The following ACTN4 variants were observed in gnomAD, a reference collection of about 807,000 sequenced individuals.
ACTN4 encodes the protein actinin alpha 4.
In ACTN4, 18 loss-of-function variants were observed where a neutral mutation model predicts 114.2. The ratio of observed to expected loss-of-function variants is 0.16; its 90% CI spans 0.11 to 0.23. The LOEUF is 0.23. Ranked by LOEUF, ACTN4 falls within the 10% of genes least tolerant of loss-of-function variation. The pLI is 1.00. For missense variants in ACTN4, 722 were observed against 1,262.9 expected (o/e 0.57, Z 6.49); for synonymous variants, 515 against 506.3 (o/e 1.02, Z -0.23).
At position 38,717,635 on chromosome 19, in the gene ACTN4, C is replaced by T. The variant is rs1408871332; in HGVS notation, c.1144-292C>T. 6.6e-6 allele frequency among the ~76,000 whole-genome samples: 1 copy of T among 152,220 alleles called. No homozygotes were observed. The highest frequency in any genetic ancestry group is 1.5e-5 in the Non-Finnish European group (1 of 68,040). ...GCATGACCGCCATGTGCTTGAGGCC[C>T]TTCATCAGCGGAGGGGCAGTGCGCC... On this transcript the variant is annotated intron_variant, in intron 10 of 20. Coordinates refer to ENST00000252699, the MANE Select transcript of ACTN4 (RefSeq NM_004924.6). The surrounding 1 kb of genome is among the most constrained non-coding windows in gnomAD (Gnocchi z 4.0).
chr19:38,720,061 G>A (rs1196334776), intron 11 of ACTN4, among the ~76,000 whole-genome samples: 1 of 152,234 alleles, frequency 6.6e-6, no homozygotes, highest in Non-Finnish European at 1.5e-5. Context: ...CAGAGCCTCT[G>A]TCCTCTCAAG....
intron 1 of ACTN4, among the ~76,000 whole-genome samples, chr19:38,693,133 G>A (rs1370525053): frequency 6.6e-6 from 1 of 152,186 alleles, no homozygotes; most frequent in Non-Finnish European, 1.5e-5. Context: ...GCATGAGGCA[G>A]CAAACGTTTT....
chr19:38,659,252 A>C (rs1383317306), intron 1 of ACTN4, among the ~76,000 whole-genome samples: 1 of 151,600 alleles, frequency 6.6e-6, no homozygotes, highest in Non-Finnish European at 1.5e-5. Context: ...GGAGAGACGG[A>C]GTTTCACCAT....
chr19:38,709,561 G>A (rs1968572411), intron 7 of ACTN4, 85 bp downstream of exon 7: 12 of 1,188,210 alleles, frequency 1.0e-5, no homozygotes, highest in Non-Finnish European at 1.4e-5. Flanking sequence ...GGGGCTGTGG[G>A]CACATCAGAG....
Position 38,729,086 on chromosome 19 carries a change from C to G in ACTN4, c.2509C>G (p.Arg837Gly). The change falls in exon 20 of 21, where the codon CGG (arginine) becomes GGG (glycine). Residue 837 changes from arginine to glycine, a missense_variant. By Grantham distance (125) the Arg-to-Gly change is moderately radical. Transcript: ENST00000252699. ...TFQAFIDFMS[R>G]ETTDTDTADQ... The stretch of plus-strand genomic sequence containing the variant: ...CCAAGCCTTCATCGACTTCATGTCG[C>G]GGGAGACCACCGACACGGACACGGC... 6.2e-7 allele frequency: 1 copy of G among 1,613,396 alleles called. No individual in the cohort carries two copies. Among genetic ancestry groups the G allele is most frequent in the Non-Finnish European group, 8.5e-7 (1 of 1,179,998 alleles).
At chr19:38,667,256 AG>A (rs1344983946) in intron 1 of ACTN4, among the ~76,000 whole-genome samples, 1 of 152,180 alleles carries the variant, frequency 6.6e-6, no homozygotes, top group Non-Finnish European at 1.5e-5. Context: ...AGGCAAACCT[AG>A]GGTGATGTCA....
chr19:38,730,693 C>T lies in ACTN4; in HGVS notation c.*1261C>T, dbSNP rs1052883212. The stretch of plus-strand genomic sequence containing the variant: ...TTCTTGTTTCTGAGTGAGGAGTACG[C>T]AGGCCAGAGTGGTCACCCGGCCGTG... On this transcript the variant is annotated 3_prime_UTR_variant, in exon 21 of 21. Transcript: ENST00000252699. 8 of 800,044 alleles carry T rather than the reference C, an allele frequency of 1.0e-5. No individual in the cohort carries two copies. The highest frequency in any genetic ancestry group is 2.3e-5 in the Admixed American group (1 of 44,262). 49.6% of individuals were successfully genotyped at this position (800,044 alleles called of 1,614,324 possible).
intron 1 of ACTN4, among the ~76,000 whole-genome samples, chr19:38,668,683 G>A (rs1305392448): frequency 6.6e-6 from 1 of 151,234 alleles, no homozygotes; most frequent in East Asian, 1.9e-4. Context: ...AGACTCCATC[G>A]CAAAAAAAGA....
intron 1 of ACTN4, among the ~76,000 whole-genome samples, chr19:38,699,220 AG>A (rs907617502): frequency 2.0e-5 from 3 of 152,194 alleles, no homozygotes; most frequent in Admixed American, 6.5e-5. Flanking sequence ...CCCAGCTTGC[AG>A]GGGGCTGAGT....
chr19:38,725,759 C>A lies in ACTN4; in HGVS notation c.2046C>A (p.Thr682=). 6.2e-7 allele frequency: 1 copy of A among 1,614,098 alleles called. No homozygotes were observed. Among genetic ancestry groups the A allele is most frequent in the South Asian group, 1.1e-5 (1 of 91,088 alleles). Residue 682 remains threonine (T), a synonymous_variant, in exon 17 of 21, where the codon ACC becomes ACA. Coordinates refer to ENST00000252699, the MANE Select transcript of ACTN4 (RefSeq NM_004924.6). ...GCATCTCCATTGAGATGAACGGGAC[C>A]CTGGAGGACCAGCTGAGCCACCTGA... ...IGRISIEMNG[T]LEDQLSHLKQ... is the part of the protein sequence containing the mutation.
At position 38,729,298 on chromosome 19, in the gene ACTN4, C is replaced by A; in HGVS notation, c.2602C>A (p.Arg868=). 6.2e-7 allele frequency: 1 copy of A among 1,612,812 alleles called. No individual in the cohort carries two copies. Among genetic ancestry groups the A allele is most frequent in the Non-Finnish European group, 8.5e-7 (1 of 1,179,976 alleles). The change falls in exon 21 of 21, where the codon CGG becomes AGG. Residue 868 remains arginine (R), a synonymous_variant. Transcript: ENST00000252699. ...DKNFITAEEL[R]RELPPDQAEY... ...GAACTTCATCACAGCTGAGGAGCTG[C>A]GGAGAGAGCTGCCCCCCGACCAGGC...
At chr19:38,666,842 C>T (rs551962211) in intron 1 of ACTN4, among the ~76,000 whole-genome samples, 3 of 152,116 alleles carry the variant, frequency 2.0e-5, no homozygotes, top group Non-Finnish European at 2.9e-5. Flanking sequence ...ACAAGCCCCT[C>T]GGTGCTGGGG....
chr19:38,681,947 C>T (rs1967590431), intron 1 of ACTN4, among the ~76,000 whole-genome samples: 1 of 152,180 alleles, frequency 6.6e-6, no homozygotes, highest in Non-Finnish European at 1.5e-5. Context: ...TCTCGTGCTT[C>T]AGCCTCCTGA....
At chr19:38,678,708 C>T (rs7259599) in intron 1 of ACTN4, among the ~76,000 whole-genome samples, 2,146 of 152,266 alleles carry the variant, frequency 0.014, 57 homozygotes, top group African/African-American at 0.047. Context: ...GGCTTTGTCT[C>T]CTGTGTCCCT....
At chr19:38,652,884 G>A (rs1976607359) in intron 1 of ACTN4, among the ~76,000 whole-genome samples, 1 of 152,054 alleles carries the variant, frequency 6.6e-6, no homozygotes, top group Non-Finnish European at 1.5e-5. Flanking sequence ...TCAGGAGTTC[G>A]AGACCAGCCT....
intron 19 of ACTN4, 115 bp from the exon 20 acceptor site, chr19:38,728,881 A>C: frequency 7.5e-7 from 1 of 1,342,060 alleles, no homozygotes; most frequent in Non-Finnish European, 1.1e-6. Context: ...GCGCACGCAC[A>C]CGTGGGTTGG....
intron 1 of ACTN4, among the ~76,000 whole-genome samples, chr19:38,665,749 GT>G (rs796389080): frequency 5.3e-5 from 8 of 152,326 alleles, no homozygotes; most frequent in African/African-American, 1.9e-4. Flanking sequence ...ACAATTTTGT[GT>G]TGGGATGTGC....
At chr19:38,681,141 A>AG (rs1967559540) in intron 1 of ACTN4, among the ~76,000 whole-genome samples, 1 of 151,116 alleles carries the variant, frequency 6.6e-6, no homozygotes, top group Non-Finnish European at 1.5e-5. Flanking sequence ...AAAAAAAAAA[A>AG]AAAAAAAAAA....
At chr19:38,700,778 C>T (rs1163299902) in intron 2 of ACTN4, 64 bp downstream of exon 2, 1 of 1,500,138 alleles carries the variant, frequency 6.7e-7, no homozygotes, top group African/African-American at 1.4e-5. Context: ...CAGCGGTCCC[C>T]AGAGACCCTG....
Sources: allele counts gnomAD v4.1 joint callset (sites outside exome capture counted in the v4.1 genomes callset), GRCh38; gene constraint gnomAD v4.1.1; non-coding constraint Gnocchi (gnomAD v3.1); transcripts MANE v1.5; gene names NCBI Gene and HGNC (gene_info 2026-07-23, HGNC 2026-07-21).